Variants in PTPRN2 observed in about 807,000 individuals in gnomAD.
PTPRN2 encodes the protein protein tyrosine phosphatase receptor type N2, also known as receptor-type tyrosine-protein phosphatase N2.
Under a neutral mutation model 118.8 loss-of-function variants are expected in PTPRN2, and 74 were observed. The observed-to-expected ratio is 0.62, with a 90% CI of 0.52 to 0.76. The LOEUF is 0.76. Among genes scored for constraint, PTPRN2 ranks in the 30% least tolerant of loss-of-function variants. PTPRN2 has a pLI of 0.00. For synonymous variants in PTPRN2, 641 were observed against 608.0 expected (o/e 1.05, Z -0.80); for missense variants, 1,481 against 1,394.4 (o/e 1.06, Z -0.99).
At chr7:157,746,386 A>G (rs1475961297) in intron 12 of PTPRN2, among the ~76,000 whole-genome samples, 1 of 148,040 alleles carries the variant, frequency 6.8e-6, no homozygotes, top group East Asian at 2.1e-4. Flanking sequence ...CAAGGAGATC[A>G]CGGGACTCCC....
intron 9 of PTPRN2, among the ~76,000 whole-genome samples, chr7:158,120,685 T>G (rs1212006719): frequency 6.6e-6 from 1 of 152,200 alleles, no homozygotes; most frequent in Non-Finnish European, 1.5e-5. Context: ...GTCCCAGATG[T>G]CCTCTCTTTT....
intron 2 of PTPRN2, among the ~76,000 whole-genome samples, chr7:158,444,745 C>T (rs942300310): frequency 6.6e-6 from 1 of 152,214 alleles, no homozygotes; most frequent in African/African-American, 2.4e-5. Flanking sequence ...CCTCAGTGCT[C>T]CTCACAGACC....
chr7:157,865,590 G>C (rs1008716423), intron 12 of PTPRN2: 1 of 152,516 alleles, frequency 6.6e-6, no homozygotes, highest in Non-Finnish European at 1.5e-5. Flanking sequence ...GGCATCTGGA[G>C]GGCAGTGGAG....
intron 11 of PTPRN2, among the ~76,000 whole-genome samples, chr7:157,960,816 G>A (rs1223873327): frequency 6.6e-6 from 1 of 152,188 alleles, no homozygotes; most frequent in Non-Finnish European, 1.5e-5. Flanking sequence ...AGACCAGCCT[G>A]GCCAACACAG....
intron 12 of PTPRN2, among the ~76,000 whole-genome samples, chr7:157,768,304 G>A (rs1029809331): frequency 1.3e-5 from 2 of 152,168 alleles, no homozygotes; most frequent in African/African-American, 4.8e-5. Flanking sequence ...CTGCTCCTCC[G>A]AGCAGCTCAT....
At chr7:157,829,243 A>G (rs574150397) in intron 12 of PTPRN2, among the ~76,000 whole-genome samples, 50 of 152,382 alleles carry the variant, frequency 3.3e-4, no homozygotes, top group Middle Eastern at 3.4e-3. Context: ...GTCAAAAACA[A>G]AAAGGCAAGG....
chr7:158,175,814 G>C (rs887528852), intron 5 of PTPRN2, among the ~76,000 whole-genome samples: 1 of 152,130 alleles, frequency 6.6e-6, no homozygotes, highest in Non-Finnish European at 1.5e-5. Flanking sequence ...CAGTATCACG[G>C]GGTGCCAATG....
chr7:158,077,834 T>C (rs112926094), intron 11 of PTPRN2, among the ~76,000 whole-genome samples: 79 of 152,194 alleles, frequency 5.2e-4, no homozygotes, highest in Non-Finnish European at 1.2e-4. Context: ...AGAAATATAC[T>C]ATTTAAGAAG....
At chr7:157,920,879 A>G (rs976165500) in intron 11 of PTPRN2, among the ~76,000 whole-genome samples, 1 of 152,252 alleles carries the variant, frequency 6.6e-6, no homozygotes, top group African/African-American at 2.4e-5. Context: ...ACAACACCAA[A>G]AGCACAGTTC....
chr7:157,621,006 C>G (rs376315723), intron 15 of PTPRN2, among the ~76,000 whole-genome samples: 1 of 150,012 alleles, frequency 6.7e-6, no homozygotes, highest in African/African-American at 2.5e-5. Flanking sequence ...GCCTGTAACC[C>G]AGGCCTCCTG....
At chr7:158,302,991 A>T (rs1415698207) in intron 3 of PTPRN2, among the ~76,000 whole-genome samples, 1 of 152,216 alleles carries the variant, frequency 6.6e-6, no homozygotes, top group East Asian at 1.9e-4. Flanking sequence ...ACAAGAATGT[A>T]AAAATGTAAA....
At position 157,618,989 on chromosome 7, in the gene PTPRN2, C is replaced by A. The variant is rs1056929228; in HGVS notation, c.2344+2373G>T. The stretch of plus-strand genomic sequence containing the variant: ...GTCACCTGGCTCAGAATGGGCAGGG[C>A]TGTCCTGATCCCCATGAGAACATCA... On this transcript the variant is annotated intron_variant, in intron 15 of 22. Coordinates refer to ENST00000389418, the MANE Select transcript of PTPRN2 (RefSeq NM_002847.5). The surrounding 1 kb of genome is among the most constrained non-coding windows in gnomAD (Gnocchi z 4.2). 1.3e-5 allele frequency among the ~76,000 whole-genome samples: 2 copies of A among 152,124 alleles called. No individual in the cohort carries two copies. Among genetic ancestry groups the A allele is most frequent in the Non-Finnish European group, 2.9e-5 (2 of 68,026 alleles).
intron 11 of PTPRN2, among the ~76,000 whole-genome samples, chr7:157,913,172 G>A (rs945681878): frequency 4.6e-5 from 7 of 152,018 alleles, no homozygotes; most frequent in Admixed American, 2.6e-4. Flanking sequence ...TTTAAATTTT[G>A]ATGCTATTTT....
intron 12 of PTPRN2, among the ~76,000 whole-genome samples, chr7:157,750,456 C>T (rs1024469681): frequency 6.6e-6 from 1 of 152,160 alleles, no homozygotes; most frequent in African/African-American, 2.4e-5. Context: ...CAAGATGCCA[C>T]CCAGGTGAGC....
At chr7:157,760,675 C>T (rs907648847) in intron 12 of PTPRN2, among the ~76,000 whole-genome samples, 9 of 152,160 alleles carry the variant, frequency 5.9e-5, no homozygotes, top group African/African-American at 2.4e-5. Flanking sequence ...TCCACTGACA[C>T]CTGCTGGGGT....
rs1803037386 is a variant in PTPRN2 at position 157,619,753 on chromosome 7, T to C, written c.2344+1609A>G. Reference sequence around the variant, plus strand: ...TTCTGAAGCAAAACAAGATTCCAGCTTCTCACTGTTCTGACCTGTAACACT... The same window carrying C: ...TTCTGAAGCAAAACAAGATTCCAGCCTCTCACTGTTCTGACCTGTAACACT... On this transcript the variant is annotated intron_variant, in intron 15 of 22. Transcript: ENST00000389418. The surrounding 1 kb of genome is among the most constrained non-coding windows in gnomAD (Gnocchi z 5.3). 6.6e-6 allele frequency among the ~76,000 whole-genome samples: 1 copy of C among 152,170 alleles called. No homozygotes were observed. Among genetic ancestry groups the C allele is most frequent in the African/African-American group, 2.4e-5 (1 of 41,438 alleles).
At chr7:158,320,113 ACACACACAGCCTCCCT>A (rs1266896932) in intron 2 of PTPRN2, among the ~76,000 whole-genome samples, 4 of 86,238 alleles carry the variant, frequency 4.6e-5, no homozygotes, top group Non-Finnish European at 4.7e-5. Context: ...TCCCTCACAC[ACACACACAGCCTCCCT>A]CACACACACA....
At chr7:158,207,309 T>C (rs1018468743) in intron 3 of PTPRN2, among the ~76,000 whole-genome samples, 4 of 150,614 alleles carry the variant, frequency 2.7e-5, no homozygotes, top group Non-Finnish European at 5.9e-5. Flanking sequence ...TTTATAGTCC[T>C]TTGGGTATAT....
intron 10 of PTPRN2, among the ~76,000 whole-genome samples, chr7:158,101,200 G>T (rs573598371): frequency 6.6e-6 from 1 of 152,330 alleles, no homozygotes; most frequent in East Asian, 1.9e-4. Context: ...ACAGAATAGA[G>T]AACCCAGAAA....
Sources: allele counts gnomAD v4.1 joint callset (sites outside exome capture counted in the v4.1 genomes callset), GRCh38; gene constraint gnomAD v4.1.1; non-coding constraint Gnocchi (gnomAD v3.1); transcripts MANE v1.5; gene names NCBI Gene and HGNC (gene_info 2026-07-23, HGNC 2026-07-21).